The following B4GALNT2 variants were observed in gnomAD, a reference collection of about 807,000 sequenced individuals.
B4GALNT2 encodes the protein N-acetylneuraminylgalactosylglucosyl-glucoside beta-1,4-N- acetylgalactosaminyltransferase 2.
A neutral mutation model predicts 51.1 loss-of-function variants in B4GALNT2; 42 were observed. The observed-to-expected ratio is 0.82, with a 90% CI of 0.64 to 1.06. B4GALNT2 has a LOEUF of 1.06. Among genes scored for constraint, B4GALNT2 ranks in the 50% least tolerant of loss-of-function variants. The pLI, the probability that B4GALNT2 is intolerant of heterozygous loss-of-function variation, is 0.00. For missense variants in B4GALNT2, 602 were observed against 633.6 expected (o/e 0.95, Z 0.54); for synonymous variants, 253 against 251.7 (o/e 1.01, Z -0.05).
intron 3 of B4GALNT2, among the ~76,000 whole-genome samples, chr17:49,152,090 T>C (rs1388879379): frequency 1.3e-5 from 2 of 152,062 alleles, no homozygotes; most frequent in East Asian, 3.9e-4. Flanking sequence ...AAAATATGCT[T>C]TGTTAGCCAG....
At chr17:49,135,016 C>T (rs1291898220) in intron 1 of B4GALNT2, among the ~76,000 whole-genome samples, 1 of 152,088 alleles carries the variant, frequency 6.6e-6, no homozygotes, top group African/African-American at 2.4e-5. Context: ...GGACCGTGAG[C>T]CAAATAAATT....
In B4GALNT2 at chr17:49,172,877, T is replaced by A. The variant is rs2042966105; in HGVS notation, c.*3149T>A. The A allele has an allele frequency of 6.6e-6, 1 of 152,182 alleles. No individual in the cohort carries two copies. The allele number at this position is 152,182 out of a possible 1,614,324, so 9.4% of individuals were successfully genotyped here. A position where few individuals can be genotyped will look rare whatever the true frequency, so the allele number is the denominator to read the frequency against. ...AGCTAGTCTCCCAAACGAGGGAACA[T>A]GTGTGACATCCATTTGCCAAAGAGA... On this transcript the variant is annotated 3_prime_UTR_variant, in exon 11 of 11. Transcript: ENST00000393354.
At chr17:49,150,814 A>C (rs2042746280) in intron 3 of B4GALNT2, among the ~76,000 whole-genome samples, 1 of 149,176 alleles carries the variant, frequency 6.7e-6, no homozygotes, top group Non-Finnish European at 1.5e-5. Context: ...CTGCCTAGGA[A>C]AACCAGAGAC....
intron 9 of B4GALNT2, among the ~76,000 whole-genome samples, 156 bp from the exon 10 acceptor site, chr17:49,168,525 G>A (rs16946907): frequency 0.11 from 17,353 of 152,206 alleles, 1,170 homozygotes; most frequent in South Asian, 0.18. Flanking sequence ...CATGGCCACA[G>A]CAGCAACGAG....
At chr17:49,131,218 C>G (rs769471349), upstream of B4GALNT2, among the ~76,000 whole-genome samples, 1 of 152,084 alleles carries the variant, frequency 6.6e-6, no homozygotes, top group Non-Finnish European at 1.5e-5. Context: ...TTTTACCCCC[C>G]TACATGCACG....
chr17:49,150,428 A>G (rs2042741655), intron 3 of B4GALNT2, among the ~76,000 whole-genome samples: 1 of 152,180 alleles, frequency 6.6e-6, no homozygotes, highest in Admixed American at 6.5e-5. Flanking sequence ...GGTGTACCCA[A>G]CAGCTCATTG....
At chr17:49,126,513 C>CAA in the B4GALNT2 span, among the ~76,000 whole-genome samples, 4 of 141,876 alleles carry the variant, frequency 2.8e-5, no homozygotes, top group Admixed American at 2.1e-4. Context: ...AAAAAAAAAA[C>CAA]AAACTCCGTG....
the B4GALNT2 span, among the ~76,000 whole-genome samples, chr17:49,126,274 G>A: frequency 2.0e-5 from 3 of 152,088 alleles, no homozygotes; most frequent in Non-Finnish European, 4.4e-5. Flanking sequence ...TGCAAGATGT[G>A]CTTTGTTAAA....
At position 49,142,713 on chromosome 17, in the gene B4GALNT2, CAAA is replaced by C. The variant is rs374045677; in HGVS notation, c.353+544_353+546del. ...TCTCCAACAAAAGCAAAAACAAAAACAAAAACAAAAACAAAAAAAACAAAAGGA... is the reference window on the plus strand; with the variant it reads ...TCTCCAACAAAAGCAAAAACAAAAACAACAAAAACAAAAAAAACAAAAGGA... On this transcript the variant is annotated intron_variant, in intron 3 of 10. Coordinates refer to ENST00000393354, the MANE Select transcript of B4GALNT2 (RefSeq NM_001159387.2). 7.1e-3 allele frequency among the ~76,000 whole-genome samples: 1,074 copies of C among 151,848 alleles called. 20 individuals are homozygous for C. The highest frequency in any genetic ancestry group is 0.025 in the African/African-American group (1,019 of 41,414).
rs1305103090 is a variant in B4GALNT2 at position 49,174,647 on chromosome 17, A to G, written c.*4919A>G. The G allele has an allele frequency of 4.6e-5, 7 of 152,152 alleles. No individual in the cohort carries two copies. Among genetic ancestry groups the G allele is most frequent in the African/African-American group, 1.7e-4 (7 of 41,438 alleles). 9.4% of individuals were successfully genotyped at this position (152,152 alleles called of 1,614,324 possible). A position where few individuals can be genotyped will look rare whatever the true frequency, so the allele number is the denominator to read the frequency against. On this transcript the variant is annotated 3_prime_UTR_variant, in exon 11 of 11. Coordinates refer to ENST00000393354, the MANE Select transcript of B4GALNT2 (RefSeq NM_001159387.2). ...GTTCCAAGGGGAAAATGTTGGAGCT[A>G]TGTGTCCTTTTTCTAATTGTTCAGT...
chr17:49,162,137 G>T (rs762904554), intron 7 of B4GALNT2, among the ~76,000 whole-genome samples: 31 of 151,520 alleles, frequency 2.0e-4, no homozygotes, highest in Non-Finnish European at 3.1e-4. Context: ...ACAGGCGCCC[G>T]CCACCATGCC....
chr17:49,147,325 T>C (rs1430537236), intron 3 of B4GALNT2, among the ~76,000 whole-genome samples: 1 of 152,140 alleles, frequency 6.6e-6, no homozygotes, highest in Non-Finnish European at 1.5e-5. Context: ...AGTTCATTTT[T>C]TTCCTCTTCT....
Position 49,167,608 on chromosome 17 carries a change from C to CTT in B4GALNT2, c.1096-1055_1096-1054dup, listed in dbSNP as rs34497598. 4.6e-3 allele frequency among the ~76,000 whole-genome samples: 525 copies of CTT among 115,034 alleles called. 22 individuals are homozygous for CTT. The highest frequency in any genetic ancestry group is 9.7e-3 in the South Asian group (34 of 3,508). The allele number at this position is 115,034 out of a possible 152,430, so 75.5% of individuals were successfully genotyped here. A position where few individuals can be genotyped will look rare whatever the true frequency, so the allele number is the denominator to read the frequency against. On this transcript the variant is annotated intron_variant, in intron 9 of 10. Transcript: ENST00000393354. ...GGTAATTTTTCAACCCTCACCTACT[C>CTT]TTTTTTTTTTTTTTTTTTTGAGACA... is the stretch of plus-strand genomic sequence containing the variant.
At chr17:49,141,715 GTC>G in intron 2 of B4GALNT2, among the ~76,000 whole-genome samples, 1 of 152,156 alleles carries the variant, frequency 6.6e-6, no homozygotes. Flanking sequence ...CTGCTTCTCT[GTC>G]TCTCTGCCCT....
chr17:49,164,387 G>T, intron 8 of B4GALNT2, 112 bp downstream of exon 8: 2 of 972,546 alleles, frequency 2.1e-6, no homozygotes, highest in Non-Finnish European at 3.1e-6. Flanking sequence ...AGAAAGCAGA[G>T]TCCAGGAGTG....
At chr17:49,158,293 T>C (rs1216029685) in intron 5 of B4GALNT2, among the ~76,000 whole-genome samples, 1 of 152,126 alleles carries the variant, frequency 6.6e-6, no homozygotes, top group Non-Finnish European at 1.5e-5. Context: ...GTCCCAGCAG[T>C]TGGATCTCAG....
chr17:49,157,434 C>T (rs1169474804), intron 5 of B4GALNT2, among the ~76,000 whole-genome samples: 2 of 148,046 alleles, frequency 1.4e-5, no homozygotes, highest in Non-Finnish European at 3.0e-5. Flanking sequence ...GAGTCTCCTG[C>T]CTCAGCCTCC....
At chr17:49,144,899 GC>G (rs1212044712) in intron 3 of B4GALNT2, among the ~76,000 whole-genome samples, 2 of 152,216 alleles carry the variant, frequency 1.3e-5, no homozygotes, top group African/African-American at 4.8e-5. Flanking sequence ...AACTGAAGAA[GC>G]TGGAGTCCAA....
intron 1 of B4GALNT2, among the ~76,000 whole-genome samples, chr17:49,135,192 T>C (rs1310675212): frequency 1.3e-5 from 2 of 152,224 alleles, no homozygotes; most frequent in Admixed American, 6.5e-5. Flanking sequence ...GTGACAAAGA[T>C]AGTGCAAACT....
Sources: gnomAD v4.1 joint callset for allele counts (sites outside exome capture counted in the v4.1 genomes callset) on GRCh38, gnomAD v4.1.1 for gene constraint, MANE v1.5 for transcripts, NCBI Gene and HGNC (gene_info 2026-07-23, HGNC 2026-07-21) for gene names.